Variants in TAB1 observed in about 807,000 individuals in gnomAD.
TAB1 encodes the protein TGF-beta activated kinase 1 (MAP3K7) binding protein 1.
In TAB1, 30 loss-of-function variants were observed where a neutral mutation model predicts 54.5. The ratio of observed to expected loss-of-function variants is 0.55; its 90% confidence interval spans 0.41 to 0.75. The LOEUF is 0.75. Among genes scored for constraint, TAB1 ranks in the 30% least tolerant of loss-of-function variants. The probability of loss-of-function intolerance (pLI) is 0.00; values close to 1 mark genes in which losing one functional copy is unlikely to be tolerated. For synonymous variants in TAB1, 289 were observed against 286.9 expected (o/e 1.01, Z -0.07); for missense variants, 609 against 683.2 (o/e 0.89, Z 1.21).
intron 8 of TAB1, among the ~76,000 whole-genome samples, chr22:39,423,005 C>G (rs1927163928): frequency 4.7e-5 from 7 of 147,994 alleles, no homozygotes; most frequent in Admixed American, 4.7e-4. Flanking sequence ...TTAAGACTTG[C>G]TGTGTCACCC....
chr22:39,407,441 AAT>A (rs2145657536), intron 1 of TAB1, among the ~76,000 whole-genome samples: 1 of 152,012 alleles, frequency 6.6e-6, no homozygotes, highest in Admixed American at 6.6e-5. Context: ...TGTGTGAAGT[AAT>A]AGAGTGGGCA....
chr22:39,419,335 G>A (rs1466893097), intron 6 of TAB1, among the ~76,000 whole-genome samples, 184 bp from the exon 7 acceptor site: 1 of 152,214 alleles, frequency 6.6e-6, no homozygotes, highest in African/African-American at 2.4e-5. Context: ...GTGTCGTGAT[G>A]GGCGTGGGGA....
At chr22:39,422,037 C>A (rs985672747) in intron 8 of TAB1, 66 bp downstream of exon 8, 13 of 1,388,526 alleles carry the variant, frequency 9.4e-6, no homozygotes, top group Non-Finnish European at 1.2e-5. Context: ...ATGTGCTCAC[C>A]CTGCCTTCTA....
intron 7 of TAB1, among the ~76,000 whole-genome samples, chr22:39,420,878 C>CTGTGTGTGTG (rs1370446636): frequency 2.1e-5 from 2 of 94,834 alleles, no homozygotes; most frequent in African/African-American, 1.1e-4. Flanking sequence ...TGGGGTGTCT[C>CTGTGTGTGTG]TCTCTGTGTG....
intron 8 of TAB1, 47 bp from the exon 9 acceptor site, chr22:39,426,656 A>G: frequency 6.6e-7 from 1 of 1,525,008 alleles, no homozygotes; most frequent in South Asian, 1.2e-5. Context: ...CATGCCCCCC[A>G]GGCCGCACCT....
chr22:39,436,459 A>T, downstream of TAB1: 1 of 1,572,624 alleles, frequency 6.4e-7, no homozygotes, highest in East Asian at 2.2e-5. Context: ...ACTTTTCTTC[A>T]TGTGTCATGA....
At chr22:39,412,320 G>A (rs1329808526) in intron 1 of TAB1, among the ~76,000 whole-genome samples, 2 of 152,160 alleles carry the variant, frequency 1.3e-5, no homozygotes, top group Non-Finnish European at 2.9e-5. Context: ...GATTACAGGC[G>A]TGAGCCACTG....
chr22:39,433,720 G>C, downstream of TAB1: 1 of 985,454 alleles, frequency 1.0e-6, no homozygotes, highest in Non-Finnish European at 1.2e-6. Context: ...GTTCCTGCCA[G>C]TGGCAGTGGG....
rs958067617 is a variant in TAB1 at position 39,431,255 on chromosome 22, A to G, written c.*1033A>G. On this transcript the variant is annotated 3_prime_UTR_variant, in exon 11 of 11. Coordinates refer to ENST00000216160, the MANE Select transcript of TAB1 (RefSeq NM_006116.3). ...GCCAGCCCAGCCCAGGGCCTGAGTT[A>G]GACTATTTCCCACATGTTCTCTGCC... The G allele has an allele frequency of 8.1e-6, 8 of 985,362 alleles. No individual in the cohort carries two copies. The highest frequency in any genetic ancestry group is 9.6e-6 in the Non-Finnish European group (8 of 830,024). The allele number at this position is 985,362 out of a possible 1,614,324, so 61.0% of individuals were successfully genotyped here. A position where few individuals can be genotyped will look rare whatever the true frequency, so the allele number is the denominator to read the frequency against.
chr22:39,436,150 A>G (rs186030390), downstream of TAB1, among the ~76,000 whole-genome samples: 984 of 152,254 alleles, frequency 6.5e-3, 8 homozygotes, highest in Middle Eastern at 0.014. Flanking sequence ...AAAAGTAGCC[A>G]GGCGTTGTGG....
intron 1 of TAB1, among the ~76,000 whole-genome samples, chr22:39,402,382 A>G (rs1245430773): frequency 6.6e-6 from 1 of 152,176 alleles, no homozygotes; most frequent in Non-Finnish European, 1.5e-5. Flanking sequence ...TACAATTAGT[A>G]CTACAAGTCT....
Position 39,426,692 on chromosome 22 carries a change from C to A in TAB1, c.922-11C>A. The A allele has an allele frequency of 1.3e-6, 2 of 1,590,464 alleles. No homozygotes were observed. Among genetic ancestry groups the A allele is most frequent in the South Asian group, 1.1e-5 (1 of 89,274 alleles). ...CGTTCCTTACCAGGTTCTTCCTACC[C>A]CCTCCCCCAGGAGATTGCTGCGATG... On this transcript the variant is annotated splice_polypyrimidine_tract_variant and intron_variant, in intron 8 of 10. Transcript: ENST00000216160.
rs760093256 is a variant in TAB1 at position 39,399,826 on chromosome 22, G to A, written c.24G>A (p.Leu8=). MAAQRRS[L]LQSEQQPSWT... ...AGATGGCGGCGCAGAGGAGGAGCTTGCTGCAGAGTGTGAGGAACAGGCCCG... is the reference window on the plus strand; with the variant it reads ...AGATGGCGGCGCAGAGGAGGAGCTTACTGCAGAGTGTGAGGAACAGGCCCG... Residue 8 remains leucine (L), a synonymous_variant, in exon 1 of 11, where the codon TTG becomes TTA. Coordinates refer to ENST00000216160, the MANE Select transcript of TAB1 (RefSeq NM_006116.3). The A allele has an allele frequency of 3.8e-5, 61 of 1,597,022 alleles. No individual in the cohort carries two copies. Among genetic ancestry groups the A allele is most frequent in the Non-Finnish European group, 4.8e-5 (56 of 1,172,338 alleles).
downstream of TAB1, chr22:39,436,733 A>ATAC: frequency 1.6e-6 from 1 of 614,726 alleles, no homozygotes; most frequent in African/African-American, 1.8e-5. Flanking sequence ...GTGTCCACTG[A>ATAC]GGCTTCCCTC....
intron 1 of TAB1, among the ~76,000 whole-genome samples, chr22:39,405,327 A>G (rs1371669599): frequency 6.6e-6 from 1 of 152,208 alleles, no homozygotes; most frequent in Non-Finnish European, 1.5e-5. Context: ...AATTTTGGAA[A>G]CTCCTTCACA....
intron 8 of TAB1, among the ~76,000 whole-genome samples, chr22:39,424,305 C>T (rs990449662): frequency 6.6e-6 from 1 of 152,120 alleles, no homozygotes; most frequent in South Asian, 2.1e-4. Flanking sequence ...TATAAACATA[C>T]GTGTGCAAGT....
chr22:39,429,862 A>C (rs1927509139), intron 10 of TAB1, 153 bp from the exon 11 acceptor site: 1 of 985,282 alleles, frequency 1.0e-6, no homozygotes, highest in Non-Finnish European at 1.2e-6. Context: ...TGTTCCTAAG[A>C]TCATCTGGCT....
chr22:39,411,599 G>C (rs1926608066), intron 1 of TAB1, among the ~76,000 whole-genome samples: 1 of 152,182 alleles, frequency 6.6e-6, no homozygotes, highest in African/African-American at 2.4e-5. Context: ...ATGGTGGCAA[G>C]GACGTGGAGC....
chr22:39,421,936 C>T lies in TAB1; in HGVS notation c.886C>T (p.Leu296=). 1 of 1,601,080 alleles carries T rather than the reference C, an allele frequency of 6.2e-7. No homozygotes were observed. The highest frequency in any genetic ancestry group is 8.5e-7 in the Non-Finnish European group (1 of 1,174,456). Reference sequence around the variant, plus strand: ...GATGTCGGAGGGGTTGTACAAGGCCCTAGAGGCAGCCCATGGGCCTGGGCA... The same window carrying T: ...GATGTCGGAGGGGTTGTACAAGGCCTTAGAGGCAGCCCATGGGCCTGGGCA... ...VLMSEGLYKA[L]EAAHGPGQAN... Residue 296 remains leucine, a synonymous_variant, in exon 8 of 11, where the codon CTA becomes TTA. Coordinates refer to ENST00000216160, the MANE Select transcript of TAB1 (RefSeq NM_006116.3).
Sources: gnomAD v4.1 joint callset for allele counts (sites outside exome capture counted in the v4.1 genomes callset) on GRCh38, gnomAD v4.1.1 for gene constraint, MANE v1.5 for transcripts, NCBI Gene and HGNC (gene_info 2026-07-23, HGNC 2026-07-21) for gene names.